PPP1R9A: variants seen among roughly 807,000 people sequenced by gnomAD.
PPP1R9A encodes the protein neurabin-1.
Under a neutral mutation model 141.9 loss-of-function variants are expected in PPP1R9A, and 59 were observed. The ratio of observed to expected loss-of-function variants is 0.42; its 90% CI spans 0.34 to 0.52. The LOEUF is 0.52. PPP1R9A is among the 20% of genes least tolerant of loss of function. The pLI, the probability that PPP1R9A is intolerant of heterozygous loss-of-function variation, is 0.10. For synonymous variants in PPP1R9A, 500 were observed against 569.7 expected, an observed-to-expected ratio of 0.88 and a Z score of 1.74; for missense variants, 1,444 against 1,611.9, an observed-to-expected ratio of 0.90 and a Z score of 1.78.
At chr7:95,283,063 G>T (rs1259251953) in intron 16 of PPP1R9A, among the ~76,000 whole-genome samples, 3 of 152,160 alleles carry the variant, frequency 2.0e-5, no homozygotes, top group African/African-American at 7.2e-5. Context: ...GGTATCAGCA[G>T]CTATCAAATA....
At chr7:95,021,027 C>T (rs1297854583) in intron 2 of PPP1R9A, among the ~76,000 whole-genome samples, 1 of 152,136 alleles carries the variant, frequency 6.6e-6, no homozygotes, top group Non-Finnish European at 1.5e-5. Context: ...ATTTCTAGTT[C>T]TAGATCCTTG....
At chr7:95,055,565 ATCT>A (rs1319490798) in intron 2 of PPP1R9A, among the ~76,000 whole-genome samples, 1 of 152,146 alleles carries the variant, frequency 6.6e-6, no homozygotes, top group Non-Finnish European at 1.5e-5. Flanking sequence ...AGACAGGTTA[ATCT>A]TCTTTAAAAG....
At chr7:95,068,577 A>G (rs1284118514) in intron 2 of PPP1R9A, among the ~76,000 whole-genome samples, 2 of 151,586 alleles carry the variant, frequency 1.3e-5, no homozygotes, top group Non-Finnish European at 2.9e-5. Context: ...TCTTTTAATG[A>G]TGAAGAAACT....
chr7:95,093,259 A>G (rs1210729078), intron 2 of PPP1R9A, among the ~76,000 whole-genome samples: 1 of 152,204 alleles, frequency 6.6e-6, no homozygotes. Flanking sequence ...GTTGTGGGAC[A>G]TTAAAGCCCT....
chr7:94,993,368 T>A (rs918787746), intron 2 of PPP1R9A, among the ~76,000 whole-genome samples: 5 of 152,168 alleles, frequency 3.3e-5, no homozygotes, highest in Admixed American at 3.3e-4. Flanking sequence ...TTTCCAGTTG[T>A]TTGGCTCCTC....
At chr7:94,962,039 T>C (rs1797701465) in intron 2 of PPP1R9A, among the ~76,000 whole-genome samples, 1 of 152,026 alleles carries the variant, frequency 6.6e-6, no homozygotes, top group South Asian at 2.1e-4. Flanking sequence ...TGGGATTCAC[T>C]GTACATCAAC....
intron 4 of PPP1R9A, among the ~76,000 whole-genome samples, chr7:95,127,139 C>T (rs1823694514): frequency 6.6e-6 from 1 of 152,148 alleles, no homozygotes; most frequent in South Asian, 2.1e-4. Flanking sequence ...CTCCCTCCCT[C>T]TCTCACTCTT....
At chr7:95,135,245 C>T (rs909714134) in intron 4 of PPP1R9A, among the ~76,000 whole-genome samples, 2 of 152,148 alleles carry the variant, frequency 1.3e-5, no homozygotes, top group African/African-American at 4.8e-5. Context: ...AAACAGAGAT[C>T]ATGTCTTATT....
At chr7:95,274,834 C>G (rs1585588198) in intron 16 of PPP1R9A, among the ~76,000 whole-genome samples, 2 of 152,322 alleles carry the variant, frequency 1.3e-5, no homozygotes, top group South Asian at 4.1e-4. Flanking sequence ...TGAATCATGG[C>G]TCTCCTACTT....
chr7:95,083,808 A>G (rs1563213700), intron 2 of PPP1R9A, among the ~76,000 whole-genome samples: 1 of 152,058 alleles, frequency 6.6e-6, no homozygotes, highest in Non-Finnish European at 1.5e-5. Context: ...TGAAGAAATA[A>G]TGCTGAAAAA....
At chr7:95,172,476 A>G (rs933908033) in intron 5 of PPP1R9A, among the ~76,000 whole-genome samples, 1 of 151,832 alleles carries the variant, frequency 6.6e-6, no homozygotes, top group Non-Finnish European at 1.5e-5. Context: ...TGCAGAAATC[A>G]GAGTGTATAT....
At chr7:95,086,940 T>C (rs1426059508) in intron 2 of PPP1R9A, among the ~76,000 whole-genome samples, 1 of 151,848 alleles carries the variant, frequency 6.6e-6, no homozygotes, top group East Asian at 1.9e-4. Context: ...CCTAGCACTT[T>C]GGGAGGCTGA....
At chr7:94,954,241 G>A (rs995153096) in intron 2 of PPP1R9A, among the ~76,000 whole-genome samples, 1 of 151,622 alleles carries the variant, frequency 6.6e-6, no homozygotes. Context: ...TTGTATGTTT[G>A]TCATTAGTTT....
chr7:94,987,497 C>G (rs1800994429), intron 2 of PPP1R9A, among the ~76,000 whole-genome samples: 1 of 152,114 alleles, frequency 6.6e-6, no homozygotes, highest in Admixed American at 6.6e-5. Context: ...AAGCCTACTT[C>G]TCATAGTGTA....
intron 2 of PPP1R9A, among the ~76,000 whole-genome samples, chr7:94,988,704 T>C (rs562761532): frequency 6.6e-6 from 1 of 152,082 alleles, no homozygotes; most frequent in Non-Finnish European, 1.5e-5. Context: ...TCAAAATATA[T>C]GTTGAGAGTA....
chr7:95,077,024 A>G (rs954542613), intron 2 of PPP1R9A, among the ~76,000 whole-genome samples: 2 of 152,008 alleles, frequency 1.3e-5, no homozygotes, highest in Non-Finnish European at 2.9e-5. Flanking sequence ...TTCCTTTCAA[A>G]TAATGCCATT....
chr7:95,214,469 A>G (rs1286034485), intron 7 of PPP1R9A: 2 of 152,156 alleles, frequency 1.3e-5, no homozygotes, highest in African/African-American at 2.4e-5. Flanking sequence ...CCCAATAGTG[A>G]GGGCTGAGAG....
intron 2 of PPP1R9A, among the ~76,000 whole-genome samples, chr7:94,924,940 G>A (rs747841776): frequency 3.3e-5 from 5 of 152,084 alleles, no homozygotes; most frequent in Non-Finnish European, 5.9e-5. Context: ...GCTGGAGGAC[G>A]GTTGAAATAA....
At chr7:95,239,072 T>C (rs1797097638) in intron 8 of PPP1R9A, among the ~76,000 whole-genome samples, 1 of 152,152 alleles carries the variant, frequency 6.6e-6, no homozygotes, top group East Asian at 1.9e-4. Context: ...AATGTGTTGC[T>C]TTTATTGTAG....
Sources: gnomAD v4.1 joint callset for allele counts (sites outside exome capture counted in the v4.1 genomes callset) on GRCh38, gnomAD v4.1.1 for gene constraint, MANE v1.5 for transcripts, NCBI Gene and HGNC (gene_info 2026-07-23, HGNC 2026-07-21) for gene names.